Variants in DENND4A observed in about 807,000 individuals in gnomAD.
The protein encoded by DENND4A is C-myc promoter-binding protein.
A neutral mutation model predicts 199.3 loss-of-function variants in DENND4A; 70 were observed. That is an observed-to-expected ratio of 0.35 (90% CI 0.29 to 0.43). DENND4A has a LOEUF of 0.43. Ranked by LOEUF, DENND4A falls within the 20% of genes least tolerant of loss-of-function variation. The pLI is 1.00. For missense variants in DENND4A, 1,723 were observed against 2,255.8 expected (o/e 0.76, Z 4.78); for synonymous variants, 686 against 766.9 (o/e 0.89, Z 1.74).
chr15:65,722,747 G>T, intron 12 of DENND4A, 101 bp downstream of exon 12: 5 of 894,054 alleles, frequency 5.6e-6, no homozygotes, highest in South Asian at 3.4e-5. Flanking sequence ...TGGTAAAACC[G>T]CTTTCTGCTA....
At chr15:65,753,671 T>C (rs1567079153) in intron 3 of DENND4A, among the ~76,000 whole-genome samples, 1 of 152,014 alleles carries the variant, frequency 6.6e-6, no homozygotes, top group African/African-American at 2.4e-5. Flanking sequence ...AAATTAAATA[T>C]GTTTCTGCAT....
At chr15:65,681,574 TTTTTG>T (rs1413505021) in intron 23 of DENND4A, among the ~76,000 whole-genome samples, 3 of 140,776 alleles carry the variant, frequency 2.1e-5, no homozygotes, top group African/African-American at 8.6e-5. Flanking sequence ...ACATTTCATT[TTTTTG>T]TTTTTTTTTT....
chr15:65,791,518 G>A (rs1479821839), intron 1 of DENND4A, among the ~76,000 whole-genome samples: 1 of 149,440 alleles, frequency 6.7e-6, no homozygotes, highest in East Asian at 2.1e-4. Context: ...CCGCGCTCAC[G>A]CAGAACCCGT....
At chr15:65,749,556 T>G (rs1473488192) in intron 4 of DENND4A, among the ~76,000 whole-genome samples, 1 of 152,056 alleles carries the variant, frequency 6.6e-6, no homozygotes, top group African/African-American at 2.4e-5. Context: ...GGATAATAAA[T>G]AAATTGTGGC....
At chr15:65,750,088 G>A (rs994497506) in intron 4 of DENND4A, among the ~76,000 whole-genome samples, 16 of 151,496 alleles carry the variant, frequency 1.1e-4, no homozygotes, top group Admixed American at 7.9e-4. Flanking sequence ...AACTGATAAC[G>A]ATAGAAAAAA....
chr15:65,776,808 G>A (rs2077295939), intron 1 of DENND4A, among the ~76,000 whole-genome samples: 1 of 152,156 alleles, frequency 6.6e-6, no homozygotes, highest in East Asian at 1.9e-4. Context: ...AAGACAACAT[G>A]CAAAGTAAGA....
chr15:65,710,315 T>C (rs2075207584), intron 14 of DENND4A, among the ~76,000 whole-genome samples: 1 of 152,234 alleles, frequency 6.6e-6, no homozygotes, highest in Non-Finnish European at 1.5e-5. Context: ...CTCTTCTCAC[T>C]GTTATTTGGA....
intron 1 of DENND4A, among the ~76,000 whole-genome samples, chr15:65,764,132 T>C (rs1001362357): frequency 6.6e-6 from 1 of 152,206 alleles, no homozygotes; most frequent in African/African-American, 2.4e-5. Context: ...TTCTGCTACA[T>C]TGTTTCTTAA....
intron 1 of DENND4A, among the ~76,000 whole-genome samples, chr15:65,784,036 G>A (rs761724276): frequency 6.6e-6 from 1 of 152,078 alleles, no homozygotes; most frequent in East Asian, 1.9e-4. Context: ...GTGATAAGCC[G>A]TACTGATAGT....
chr15:65,732,186 G>C (rs2140399063), intron 8 of DENND4A, among the ~76,000 whole-genome samples: 1 of 152,144 alleles, frequency 6.6e-6, no homozygotes, highest in East Asian at 1.9e-4. Flanking sequence ...TTTAGTGTAT[G>C]ACCAATAACC....
chr15:65,778,787 A>G (rs1332443664), intron 1 of DENND4A, among the ~76,000 whole-genome samples: 1 of 151,158 alleles, frequency 6.6e-6, no homozygotes, highest in Non-Finnish European at 1.5e-5. Context: ...CCAGCTACTC[A>G]GGAGGCTGAG....
rs763039706 is a variant in DENND4A, at chr15:65,752,363, C to T, written c.561+16G>A. 13 of 1,365,044 alleles carry T rather than the reference C, an allele frequency of 9.5e-6. No individual in the cohort carries two copies. The highest frequency in any genetic ancestry group is 1.3e-5 in the Non-Finnish European group (13 of 1,028,714). 84.6% of individuals were successfully genotyped at this position (1,365,044 alleles called of 1,614,324 possible). ...TCATCAGTGGTTAATGTTACCAGTG[C>T]AAGTAAGTCACTTACCATACTGTTA... On this transcript the variant is annotated intron_variant, in intron 4 of 32. Coordinates refer to ENST00000443035, the MANE Select transcript of DENND4A (RefSeq NM_001320835.1).
chr15:65,730,915 A>G (rs1295999323), intron 9 of DENND4A, among the ~76,000 whole-genome samples: 3 of 152,226 alleles, frequency 2.0e-5, no homozygotes, highest in Non-Finnish European at 4.4e-5. Flanking sequence ...GTTACCTAAA[A>G]AAGTCCTTTA....
intron 4 of DENND4A, among the ~76,000 whole-genome samples, chr15:65,745,540 T>A (rs895541740): frequency 1.3e-5 from 2 of 152,074 alleles, no homozygotes; most frequent in African/African-American, 4.8e-5. Context: ...CACATGAATA[T>A]GTAAAAGTCA....
chr15:65,721,593 T>TAAAAAA (rs71447857), intron 12 of DENND4A, among the ~76,000 whole-genome samples: 1 of 131,588 alleles, frequency 7.6e-6, no homozygotes, highest in East Asian at 2.1e-4. Context: ...TGACTCCACT[T>TAAAAAA]AAAAAAAAAA....
intron 1 of DENND4A, among the ~76,000 whole-genome samples, chr15:65,780,462 C>A (rs1278744931): frequency 1.3e-5 from 2 of 152,148 alleles, no homozygotes; most frequent in Admixed American, 6.5e-5. Context: ...AAATACTAAT[C>A]ATCATCAACA....
chr15:65,709,268 T>A (rs2075156810), intron 14 of DENND4A, among the ~76,000 whole-genome samples: 1 of 151,632 alleles, frequency 6.6e-6, no homozygotes, highest in African/African-American at 2.4e-5. Context: ...TAAGCACTGA[T>A]TTTTTGTGAG....
intron 23 of DENND4A, among the ~76,000 whole-genome samples, chr15:65,683,315 T>C (rs2076645660): frequency 6.6e-6 from 1 of 152,260 alleles, no homozygotes; most frequent in Non-Finnish European, 1.5e-5. Flanking sequence ...GTGTCAATTT[T>C]GTTCTTTTTA....
In DENND4A at chr15:65,667,596, T is replaced by C. The variant is rs1300422974; in HGVS notation, c.5094A>G (p.Glu1698=). Reference sequence around the variant, plus strand: ...CTGCTACTGTTATTGCATGATCACCTTCATTTTCCAATAAGCTTTCAAGTT... The same window carrying C: ...CTGCTACTGTTATTGCATGATCACCCTCATTTTCCAATAAGCTTTCAAGTT... ...WKELESLLEN[E]GDHAITVADF... Residue 1698 remains glutamate, a synonymous_variant, in exon 29 of 33, where the codon GAA becomes GAG. Transcript: ENST00000443035. 6.2e-7 allele frequency: 1 copy of C among 1,613,890 alleles called. No individual in the cohort carries two copies. The highest frequency in any genetic ancestry group is 1.7e-5 in the Admixed American group (1 of 60,000).
Sources: gnomAD v4.1 joint callset for allele counts (sites outside exome capture counted in the v4.1 genomes callset) on GRCh38, gnomAD v4.1.1 for gene constraint, MANE v1.5 for transcripts, NCBI Gene and HGNC (gene_info 2026-07-23, HGNC 2026-07-21) for gene names.